Variants in SEMA6D observed in about 807,000 individuals in gnomAD.
SEMA6D encodes semaphorin-6D.
SEMA6D carries 35 observed loss-of-function variants against 106.6 expected under a neutral mutation model. The ratio of observed to expected loss-of-function variants is 0.33; its 90% CI spans 0.25 to 0.44. SEMA6D has a LOEUF of 0.44. Among genes scored for constraint, SEMA6D ranks in the 20% least tolerant of loss-of-function variants. The pLI, the probability that SEMA6D is intolerant of heterozygous loss-of-function variation, is 1.00. For synonymous variants in SEMA6D, 499 were observed against 487.7 expected, an observed-to-expected ratio of 1.02 and a Z score of -0.31; for missense variants, 1,185 against 1,345.9, an observed-to-expected ratio of 0.88 and a Z score of 1.87.
At chr15:47,554,005 G>A (rs1052295384) in intron 3 of SEMA6D, among the ~76,000 whole-genome samples, 3 of 152,146 alleles carry the variant, frequency 2.0e-5, no homozygotes, top group African/African-American at 7.2e-5. Flanking sequence ...AGAAAGGCAT[G>A]GGAAAGGAAA....
chr15:47,248,156 CAGCCCAATG>C (rs1203120749), intron 1 of SEMA6D, among the ~76,000 whole-genome samples: 1 of 152,162 alleles, frequency 6.6e-6, no homozygotes, highest in Admixed American at 6.5e-5. Flanking sequence ...GTCAAAATAT[CAGCCCAATG>C]AAAATCAGAG....
At chr15:47,642,557 G>A (rs1368145083) in intron 4 of SEMA6D, among the ~76,000 whole-genome samples, 1 of 152,148 alleles carries the variant, frequency 6.6e-6, no homozygotes, top group Admixed American at 6.5e-5. Context: ...TCTAGTTGGA[G>A]AGGCCAGGCT....
chr15:47,673,613 A>AT (rs2078180990), intron 4 of SEMA6D, among the ~76,000 whole-genome samples: 1 of 152,218 alleles, frequency 6.6e-6, no homozygotes, highest in Non-Finnish European at 1.5e-5. Context: ...TGTAAGCTTC[A>AT]TAATCAGCTG....
intron 3 of SEMA6D, among the ~76,000 whole-genome samples, chr15:47,531,929 T>C (rs2044985733): frequency 6.6e-6 from 1 of 152,238 alleles, no homozygotes; most frequent in Admixed American, 6.5e-5. Flanking sequence ...CTTGTGGTAT[T>C]AGGTTGGTGC....
intron 1 of SEMA6D, among the ~76,000 whole-genome samples, chr15:47,342,661 CTT>C (rs2037868091): frequency 6.6e-6 from 1 of 152,114 alleles, no homozygotes; most frequent in Non-Finnish European, 1.5e-5. Flanking sequence ...ACTAAAATAA[CTT>C]TTGCTGGGTG....
chr15:47,747,169 G>T (rs1251521950), intron 1 of SEMA6D, among the ~76,000 whole-genome samples: 1 of 152,050 alleles, frequency 6.6e-6, no homozygotes, highest in African/African-American at 2.4e-5. Flanking sequence ...CACTGTTAAT[G>T]AGGATTGTTT....
At chr15:47,284,523 A>T (rs1013033320) in intron 1 of SEMA6D, among the ~76,000 whole-genome samples, 2 of 152,160 alleles carry the variant, frequency 1.3e-5, no homozygotes, top group Non-Finnish European at 2.9e-5. Flanking sequence ...TAAATTTGAG[A>T]TTCCACTATA....
At chr15:47,496,783 A>T (rs1488639203) in intron 3 of SEMA6D, among the ~76,000 whole-genome samples, 1 of 151,972 alleles carries the variant, frequency 6.6e-6, no homozygotes, top group East Asian at 1.9e-4. Context: ...TGATTCAAGG[A>T]TGTCTCACCT....
chr15:47,393,932 A>G (rs777991039), intron 1 of SEMA6D, among the ~76,000 whole-genome samples: 1 of 152,196 alleles, frequency 6.6e-6, no homozygotes, highest in Non-Finnish European at 1.5e-5. Context: ...AATTAATGCT[A>G]TCTTTTCATA....
intron 3 of SEMA6D, among the ~76,000 whole-genome samples, chr15:47,506,514 C>A (rs973610872): frequency 6.6e-6 from 1 of 151,576 alleles, no homozygotes; most frequent in Non-Finnish European, 1.5e-5. Flanking sequence ...AAAATCCAAG[C>A]CTGAATTACC....
At chr15:47,417,518 A>C (rs1182488704) in intron 2 of SEMA6D, among the ~76,000 whole-genome samples, 1 of 151,962 alleles carries the variant, frequency 6.6e-6, no homozygotes, top group African/African-American at 2.4e-5. Flanking sequence ...GGTTGCCTGA[A>C]GGGGCAAGAT....
chr15:47,716,054 C>G (rs1438773583), upstream of SEMA6D, among the ~76,000 whole-genome samples: 2 of 152,126 alleles, frequency 1.3e-5, no homozygotes, highest in Admixed American at 6.5e-5. Flanking sequence ...GATGTCAGAG[C>G]CCAGCACAAC....
At chr15:47,311,259 G>A (rs1460679542) in intron 1 of SEMA6D, among the ~76,000 whole-genome samples, 1 of 152,136 alleles carries the variant, frequency 6.6e-6, no homozygotes, top group Non-Finnish European at 1.5e-5. Flanking sequence ...GTAGGATTCG[G>A]TTGCCCATAC....
intron 4 of SEMA6D, among the ~76,000 whole-genome samples, chr15:47,688,041 C>T (rs1333527968): frequency 6.6e-6 from 1 of 152,076 alleles, no homozygotes; most frequent in Non-Finnish European, 1.5e-5. Context: ...TCCAAACTAA[C>T]TTAATGAGGT....
intron 1 of SEMA6D, among the ~76,000 whole-genome samples, chr15:47,360,896 A>G (rs148686605): frequency 1.7e-4 from 26 of 152,358 alleles, no homozygotes; most frequent in Non-Finnish European, 2.9e-4. Flanking sequence ...TGGATATTTG[A>G]AACATATGTT....
intron 1 of SEMA6D, among the ~76,000 whole-genome samples, chr15:47,216,137 A>G (rs1418805738): frequency 6.6e-6 from 1 of 152,148 alleles, no homozygotes; most frequent in African/African-American, 2.4e-5. Context: ...TACTACTAGG[A>G]TGATATACCT....
chr15:47,317,285 A>T (rs1041124366), intron 1 of SEMA6D, among the ~76,000 whole-genome samples: 2 of 151,878 alleles, frequency 1.3e-5, no homozygotes, highest in Admixed American at 1.3e-4. Flanking sequence ...GTAATTTATG[A>T]TGTCTCTCTC....
chr15:47,617,392 G>T (rs1436675120), intron 4 of SEMA6D, among the ~76,000 whole-genome samples: 1 of 152,190 alleles, frequency 6.6e-6, no homozygotes, highest in Non-Finnish European at 1.5e-5. Flanking sequence ...CTTCCATGAT[G>T]AAATTCAACC....
At chr15:47,561,716 G>GT (rs1267889046) in intron 3 of SEMA6D, among the ~76,000 whole-genome samples, 1 of 150,868 alleles carries the variant, frequency 6.6e-6, no homozygotes, top group Non-Finnish European at 1.5e-5. Context: ...CTATAAATGT[G>GT]TTTTTCAATT....
Sources: allele counts gnomAD v4.1 joint callset (sites outside exome capture counted in the v4.1 genomes callset), GRCh38; gene constraint gnomAD v4.1.1; transcripts MANE v1.5; gene names NCBI Gene and HGNC (gene_info 2026-07-23, HGNC 2026-07-21).